The following MYO1C variants were observed in gnomAD, a reference collection of about 807,000 sequenced individuals.
MYO1C encodes the protein myosin IC, also known as unconventional myosin-Ic.
Under a neutral mutation model 150.8 loss-of-function variants are expected in MYO1C, and 104 were observed. That is an observed-to-expected ratio of 0.69 (90% CI 0.59 to 0.81). MYO1C has a LOEUF of 0.81. Among genes scored for constraint, MYO1C ranks in the 30% least tolerant of loss-of-function variants. The pLI is 0.00. For synonymous variants in MYO1C, 663 were observed against 579.9 expected, an observed-to-expected ratio of 1.14 and a Z score of -2.06; for missense variants, 1,504 against 1,435.0, an observed-to-expected ratio of 1.05 and a Z score of -0.78.
rs1293925608 is a variant in MYO1C at position 1,467,530 on chromosome 17, C to T, written c.3015G>A (p.Lys1005=). ...QSDHVIETLT[K]TALSANRVNS... ...TCACGCGGTTGGCACTGAGGGCTGT[C>T]TTGGTCAGCGTCTCAATCACGTGGT... The change falls in exon 30 of 32, where the codon AAG becomes AAA. Residue 1005 remains lysine (K), a synonymous_variant. Transcript: ENST00000648651. The T allele has an allele frequency of 3.1e-6, 5 of 1,613,562 alleles. No homozygotes were observed. Among genetic ancestry groups the T allele is most frequent in the East Asian group, 4.5e-5 (2 of 44,864 alleles).
intron 1 of MYO1C, among the ~76,000 whole-genome samples, chr17:1,488,088 G>C (rs993610062): frequency 1.3e-5 from 2 of 152,218 alleles, no homozygotes; most frequent in African/African-American, 2.4e-5. Flanking sequence ...CTCGGGCCGG[G>C]GGCGTGGCAG....
At chr17:1,467,443 AC>A (rs2074197332) in intron 30 of MYO1C, 36 bp downstream of exon 30, 1 of 1,583,670 alleles carries the variant, frequency 6.3e-7, no homozygotes. Flanking sequence ...CCCCCTCGCC[AC>A]CCCCGCCCTG....
At chr17:1,470,723 C>G (rs371005433) in intron 21 of MYO1C, 34 bp from the exon 22 acceptor site, 7 of 1,587,672 alleles carry the variant, frequency 4.4e-6, no homozygotes, top group South Asian at 3.4e-5. Flanking sequence ...TTGGCCAGAG[C>G]GCGGGGAGCC....
At position 1,478,026 on chromosome 17, in the gene MYO1C, A is replaced by G; in HGVS notation, c.1402-55T>C. 6.2e-7 allele frequency: 1 copy of G among 1,611,724 alleles called. No homozygotes were observed. The highest frequency in any genetic ancestry group is 1.1e-5 in the South Asian group (1 of 91,038). ...CCGTGGGGTCCTGGCACCCTCTCCC[A>G]GGGGCCCCGATACCCAGGCTCCCCG... On this transcript the variant is annotated intron_variant, in intron 12 of 31. Coordinates refer to ENST00000648651, the MANE Select transcript of MYO1C (RefSeq NM_001080779.2). The surrounding 1 kb of genome is among the most constrained non-coding windows in gnomAD (Gnocchi z 6.3).
chr17:1,477,749 C>A, intron 13 of MYO1C, 142 bp downstream of exon 13: 1 of 1,017,640 alleles, frequency 9.8e-7, no homozygotes, highest in South Asian at 1.3e-5. Context: ...GCACCTCCCT[C>A]CATCCTCCAT....
intron 1 of MYO1C, among the ~76,000 whole-genome samples, chr17:1,488,335 G>T (rs2074691774): frequency 6.6e-6 from 1 of 152,184 alleles, no homozygotes. Flanking sequence ...CCCCAGGGCG[G>T]CTCCAGCACT....
Position 1,470,451 on chromosome 17 carries a change from C to T in MYO1C, c.2350G>A (p.Ala784Thr). ...GGCGCTCACCGCCGGATGGTCTGTGCCGCCCACTTCCTCTTGGCTGCCTTC... is the reference window on the plus strand; with the variant it reads ...GGCGCTCACCGCCGGATGGTCTGTGTCGCCCACTTCCTCTTGGCTGCCTTC... Reference protein sequence around the residue: ...RRKAAKRKWAAQTIRRLIRGF... With the variant: ...RRKAAKRKWATQTIRRLIRGF... Residue 784 changes from alanine (A) to threonine (T), a missense_variant, in exon 23 of 32, where the codon GCA becomes ACA. Coordinates refer to ENST00000648651, the MANE Select transcript of MYO1C (RefSeq NM_001080779.2). The T allele has an allele frequency of 6.4e-7, 1 of 1,550,630 alleles. No individual in the cohort carries two copies. Among genetic ancestry groups the T allele is most frequent in the East Asian group, 2.4e-5 (1 of 40,940 alleles).
chr17:1,470,591 C>A, intron 22 of MYO1C, 30 bp downstream of exon 22: 1 of 1,604,996 alleles, frequency 6.2e-7, no homozygotes, highest in Non-Finnish European at 8.5e-7. Context: ...CCAGACCCCG[C>A]CCCTCCTGAA....
At chr17:1,487,252 C>G (rs927781920) in intron 1 of MYO1C, among the ~76,000 whole-genome samples, 1 of 152,258 alleles carries the variant, frequency 6.6e-6, no homozygotes, top group Non-Finnish European at 1.5e-5. Context: ...GGCCGTGGGC[C>G]ACGCTTCCGA....
At position 1,478,527 on chromosome 17, in the gene MYO1C, C is replaced by T; in HGVS notation, c.1213-35G>A. 1 of 1,613,816 alleles carries T rather than the reference C, an allele frequency of 6.2e-7. No homozygotes were observed. The highest frequency in any genetic ancestry group is 8.5e-7 in the Non-Finnish European group (1 of 1,179,884). On this transcript the variant is annotated intron_variant, in intron 10 of 31. Coordinates refer to ENST00000648651, the MANE Select transcript of MYO1C (RefSeq NM_001080779.2). This position sits in a 1 kb window ranked among gnomAD's most constrained non-coding sequence, Gnocchi z 6.3. ...TCATTCAACCGAAGGCGTGGGCCCC[C>T]TGCGCGTGCCAGCCCCACCCTGCAG...
chr17:1,486,677 G>C (rs1436879903), intron 1 of MYO1C, among the ~76,000 whole-genome samples: 1 of 152,140 alleles, frequency 6.6e-6, no homozygotes, highest in Admixed American at 6.5e-5. Flanking sequence ...CACCACACTC[G>C]GCTAATTTTT....
At chr17:1,482,278 CA>C (rs1204670526) in intron 5 of MYO1C, among the ~76,000 whole-genome samples, 199 bp downstream of exon 5, 2 of 152,314 alleles carry the variant, frequency 1.3e-5, no homozygotes, top group Non-Finnish European at 1.5e-5. Flanking sequence ...ACCTGCCCCC[CA>C]CTCCTTACTG....
chr17:1,466,801 G>A (rs9910133), intron 31 of MYO1C, among the ~76,000 whole-genome samples: 116,123 of 151,838 alleles, frequency 0.76, 44,983 homozygotes, highest in African/African-American at 0.89. Flanking sequence ...TAATTTTTGT[G>A]TTATTAGTAG....
rs201462156 is a variant in MYO1C at position 1,474,904 on chromosome 17, G to C, written c.1669+34C>G. 8 of 1,612,244 alleles carry C rather than the reference G, an allele frequency of 5.0e-6. No homozygotes were observed. In the East Asian group the frequency reaches 1.8e-4, roughly 36 times the overall value. ...TGAGGTGAGACAGAGCCTCCCCGCA[G>C]GCCCCTGTGGGGACACAGCCCCAGG... On this transcript the variant is annotated intron_variant, in intron 15 of 31. Coordinates refer to ENST00000648651, the MANE Select transcript of MYO1C (RefSeq NM_001080779.2).
chr17:1,469,061 A>T, intron 25 of MYO1C: 1 of 301,090 alleles, frequency 3.3e-6, no homozygotes, highest in African/African-American at 2.2e-5. Context: ...CACGAGGCCC[A>T]GCAGGGCCTG....
At chr17:1,469,734 C>G in intron 24 of MYO1C, 120 bp from the exon 25 acceptor site, 1 of 875,926 alleles carries the variant, frequency 1.1e-6, no homozygotes, top group African/African-American at 1.7e-5. Context: ...GAGACGCTTC[C>G]GGTCAAGAGA....
chr17:1,481,586 G>A (rs1320501566), intron 5 of MYO1C, among the ~76,000 whole-genome samples: 1 of 151,586 alleles, frequency 6.6e-6, no homozygotes, highest in East Asian at 1.9e-4. Context: ...CTGCACCCTC[G>A]AACTCCCGGG....
chr17:1,478,025 CA>C lies in MYO1C; in HGVS notation c.1402-55del. ...ACCGTGGGGTCCTGGCACCCTCTCCCAGGGGCCCCGATACCCAGGCTCCCCG... is the reference window on the plus strand; with the variant it reads ...ACCGTGGGGTCCTGGCACCCTCTCCCGGGGCCCCGATACCCAGGCTCCCCG... On this transcript the variant is annotated intron_variant, in intron 12 of 31. Transcript: ENST00000648651. This position sits in a 1 kb window ranked among gnomAD's most constrained non-coding sequence, Gnocchi z 6.3. The C allele has an allele frequency of 6.2e-7, 1 of 1,612,734 alleles. No homozygotes were observed. Among genetic ancestry groups the C allele is most frequent in the East Asian group, 2.2e-5 (1 of 44,868 alleles).
chr17:1,482,517 G>A lies in MYO1C; in HGVS notation c.588C>T (p.Ser196=). 6.2e-7 allele frequency: 1 copy of A among 1,614,068 alleles called. No individual in the cohort carries two copies. The highest frequency in any genetic ancestry group is 1.3e-5 in the African/African-American group (1 of 74,972). ...NAKTLRNDNS[S]RFGKYMDVQF... is the part of the protein sequence containing the mutation. The stretch of plus-strand genomic sequence containing the variant: ...GCACATCCATGTACTTCCCGAACCT[G>A]CTGGAGTTATCGTTCCGGAGGGTCT... The change falls in exon 5 of 32, where the codon AGC becomes AGT. Residue 196 remains serine, a synonymous_variant. Coordinates refer to ENST00000648651, the MANE Select transcript of MYO1C (RefSeq NM_001080779.2).
Sources: allele counts gnomAD v4.1 joint callset (sites outside exome capture counted in the v4.1 genomes callset), GRCh38; gene constraint gnomAD v4.1.1; non-coding constraint Gnocchi (gnomAD v3.1); transcripts MANE v1.5; gene names NCBI Gene and HGNC (gene_info 2026-07-23, HGNC 2026-07-21).